SAMD4A: variants seen among roughly 807,000 people sequenced by gnomAD.
The protein encoded by SAMD4A is sterile alpha motif domain containing 4A.
SAMD4A carries 33 observed loss-of-function variants against 81.3 expected under a neutral mutation model. That is an observed-to-expected ratio of 0.41 (90% CI 0.31 to 0.54). SAMD4A has a LOEUF of 0.54. Ranked by LOEUF, SAMD4A falls within the 20% of genes least tolerant of loss-of-function variation. SAMD4A has a pLI of 0.37. For missense variants in SAMD4A, 854 were observed against 951.1 expected (o/e 0.90, Z 1.34); for synonymous variants, 389 against 382.1 (o/e 1.02, Z -0.21).
At chr14:54,732,625 A>G (rs576919409) in intron 3 of SAMD4A, among the ~76,000 whole-genome samples, 2 of 152,182 alleles carry the variant, frequency 1.3e-5, no homozygotes, top group Non-Finnish European at 1.5e-5. Context: ...TACGCAATGT[A>G]TCTTTGACAA....
intron 2 of SAMD4A, among the ~76,000 whole-genome samples, chr14:54,646,292 C>A (rs1415867274): frequency 6.6e-6 from 1 of 152,120 alleles, no homozygotes; most frequent in Non-Finnish European, 1.5e-5. Flanking sequence ...CTCAGTACTA[C>A]CTAAGAAGAG....
chr14:54,757,415 G>T lies in SAMD4A; in HGVS notation c.1177-2746G>T, dbSNP rs1381760040. ...TGTGTGTGTGTGTGTGTGTGTGTGT[G>T]TGTGTGTGTGTGTTTTGTTTTGTTT... is the stretch of plus-strand genomic sequence containing the variant. On this transcript the variant is annotated intron_variant, in intron 6 of 12. Transcript: ENST00000554335. Among the ~76,000 whole-genome samples the T allele has an allele frequency of 2.2e-3, 318 of 146,472 alleles. 2 individuals carry two copies. Among genetic ancestry groups the T allele is most frequent in the African/African-American group, 7.8e-3 (294 of 37,638 alleles).
chr14:54,627,791 T>C (rs535364528), intron 2 of SAMD4A, among the ~76,000 whole-genome samples: 3 of 152,360 alleles, frequency 2.0e-5, no homozygotes, highest in African/African-American at 7.2e-5. Context: ...AGTAATATTA[T>C]GTATAAAATC....
intron 2 of SAMD4A, among the ~76,000 whole-genome samples, chr14:54,673,385 G>A (rs1205192813): frequency 6.6e-6 from 1 of 152,146 alleles, no homozygotes; most frequent in Non-Finnish European, 1.5e-5. Context: ...ATCCTTATTT[G>A]GTGCTTCCAA....
At chr14:54,683,347 A>C (rs939404293) in intron 2 of SAMD4A, among the ~76,000 whole-genome samples, 1 of 152,240 alleles carries the variant, frequency 6.6e-6, no homozygotes, top group Non-Finnish European at 1.5e-5. Flanking sequence ...TCTGGAGCCC[A>C]AGGCAGTCAC....
chr14:54,616,823 A>G (rs1244925265), intron 2 of SAMD4A, among the ~76,000 whole-genome samples: 1 of 152,200 alleles, frequency 6.6e-6, no homozygotes, highest in Non-Finnish European at 1.5e-5. Context: ...TGAAGTAGCA[A>G]TGTACGTAAC....
intron 2 of SAMD4A, among the ~76,000 whole-genome samples, chr14:54,682,433 C>T (rs1212019545): frequency 6.6e-6 from 1 of 152,156 alleles, no homozygotes; most frequent in African/African-American, 2.4e-5. Context: ...ACAAACACAC[C>T]ACCCCATCTG....
At chr14:54,581,040 G>GAC (rs1157516020) in intron 2 of SAMD4A, among the ~76,000 whole-genome samples, 1 of 152,152 alleles carries the variant, frequency 6.6e-6, no homozygotes, top group Non-Finnish European at 1.5e-5. Flanking sequence ...TTTCCCCTCA[G>GAC]ACCCTTACAG....
chr14:54,587,955 G>A (rs373261931), intron 2 of SAMD4A, among the ~76,000 whole-genome samples: 1 of 152,168 alleles, frequency 6.6e-6, no homozygotes, highest in South Asian at 2.1e-4. Context: ...AGTGTCAATA[G>A]GATTGGTACC....
At chr14:54,788,834 C>T (rs1594948455) in intron 12 of SAMD4A, 82 bp from the exon 13 acceptor site, 1 of 1,567,108 alleles carries the variant, frequency 6.4e-7, no homozygotes, top group South Asian at 1.1e-5. Flanking sequence ...GGGAGGCCCA[C>T]CGTGCATGGC....
chr14:54,688,186 G>A (rs1196272139), intron 2 of SAMD4A: 1 of 985,296 alleles, frequency 1.0e-6, no homozygotes, highest in Non-Finnish European at 1.2e-6. Context: ...AAATATTATG[G>A]TCCTCTAATC....
intron 12 of SAMD4A, among the ~76,000 whole-genome samples, chr14:54,786,762 G>A (rs547005511): frequency 6.6e-6 from 1 of 152,306 alleles, no homozygotes; most frequent in East Asian, 1.9e-4. Flanking sequence ...AATACCAAAT[G>A]CTCTTTATTA....
At chr14:54,696,292 T>C (rs1395012326) in intron 2 of SAMD4A, among the ~76,000 whole-genome samples, 1 of 152,256 alleles carries the variant, frequency 6.6e-6, no homozygotes, top group Non-Finnish European at 1.5e-5. Flanking sequence ...ACATGGTGTG[T>C]GTGGTTATCC....
intron 2 of SAMD4A, chr14:54,692,875 T>TTCC (rs2036477473): frequency 5.2e-5 from 2 of 38,570 alleles, no homozygotes; most frequent in Non-Finnish European, 2.2e-4. Flanking sequence ...AATCACTTAG[T>TTCC]GCCCCCCCCC....
intron 7 of SAMD4A, 58 bp downstream of exon 7, chr14:54,760,552 G>C (rs1279931371): frequency 7.3e-7 from 1 of 1,361,500 alleles, no homozygotes; most frequent in African/African-American, 1.5e-5. Flanking sequence ...CAGAGCGACA[G>C]GCTCCTGGGG....
upstream of SAMD4A, among the ~76,000 whole-genome samples, chr14:54,565,959 C>T (rs1226293560): frequency 6.6e-6 from 1 of 152,050 alleles, no homozygotes; most frequent in Non-Finnish European, 1.5e-5. The surrounding 1 kb of genome is among the most constrained non-coding windows in gnomAD (Gnocchi z 5.4). Context: ...CGCCCTGCGC[C>T]GGGTCCGGGG....
At chr14:54,598,334 G>A (rs1203471271) in intron 2 of SAMD4A, among the ~76,000 whole-genome samples, 23 of 152,110 alleles carry the variant, frequency 1.5e-4, no homozygotes. Context: ...ATATATACAT[G>A]TAGTTACATG....
At chr14:54,742,931 T>C (rs886440806) in intron 4 of SAMD4A, among the ~76,000 whole-genome samples, 1 of 152,234 alleles carries the variant, frequency 6.6e-6, no homozygotes, top group African/African-American at 2.4e-5. Flanking sequence ...AAAAACTTTT[T>C]CTCTCTGTAG....
rs1332901361 is a variant in SAMD4A at position 54,567,909 on chromosome 14, C to A, written c.-8C>A. 8 of 1,604,864 alleles carry A rather than the reference C, an allele frequency of 5.0e-6. No homozygotes were observed. ...GGGGCTCTGTAGACCGAGGGCGGCC[C>A]CCTAACCATGATGTTTCGCGACCAG... On this transcript the variant is annotated 5_prime_UTR_variant, in exon 2 of 13. Coordinates refer to ENST00000554335, the MANE Select transcript of SAMD4A (RefSeq NM_015589.6).
Sources: allele counts gnomAD v4.1 joint callset (sites outside exome capture counted in the v4.1 genomes callset), GRCh38; gene constraint gnomAD v4.1.1; non-coding constraint Gnocchi (gnomAD v3.1); transcripts MANE v1.5; gene names NCBI Gene and HGNC (gene_info 2026-07-23, HGNC 2026-07-21).